The following MED13L variants were observed in gnomAD, a reference collection of about 807,000 sequenced individuals.
The protein encoded by MED13L is mediator of RNA polymerase II transcription subunit 13-like.
Under a neutral mutation model 220.9 loss-of-function variants are expected in MED13L, and 7 were observed. That is an observed-to-expected ratio of 0.03 (90% CI 0.02 to 0.06). The LOEUF (loss-of-function observed/expected upper bound fraction) is 0.06, where lower values mean the gene tolerates loss of function less well. Among genes scored for constraint, MED13L ranks in the 10% least tolerant of loss-of-function variants. The pLI, the probability that MED13L is intolerant of heterozygous loss-of-function variation, is 1.00. For synonymous variants in MED13L, 1,011 were observed against 1,015.2 expected (o/e 1.00, Z 0.08); for missense variants, 1,965 against 2,760.5 (o/e 0.71, Z 6.46).
intron 4 of MED13L, among the ~76,000 whole-genome samples, chr12:116,080,735 T>C (rs1172586394): frequency 6.6e-6 from 1 of 152,224 alleles, no homozygotes; most frequent in Non-Finnish European, 1.5e-5. Context: ...AGCCTGATTC[T>C]TTGGTTTGAG....
intron 2 of MED13L, among the ~76,000 whole-genome samples, chr12:116,161,375 T>C (rs1005340116): frequency 1.3e-4 from 20 of 151,810 alleles, no homozygotes; most frequent in South Asian, 4.1e-4. Context: ...AGTTTGGAAA[T>C]ATATATATAT....
At chr12:116,022,414 C>A in intron 5 of MED13L, 42 bp downstream of exon 5, 3 of 1,609,908 alleles carry the variant, frequency 1.9e-6, no homozygotes, top group Non-Finnish European at 2.5e-6. Flanking sequence ...GTTATCCACT[C>A]GGTGGCGGAT....
At chr12:116,023,199 G>A (rs1000086077) in intron 4 of MED13L, among the ~76,000 whole-genome samples, 4 of 152,146 alleles carry the variant, frequency 2.6e-5, no homozygotes, top group Non-Finnish European at 5.9e-5. Context: ...AGGAGGCTGA[G>A]GTGAGAGGAT....
At chr12:116,219,055 G>C (rs1883165619) in intron 2 of MED13L, among the ~76,000 whole-genome samples, 1 of 152,152 alleles carries the variant, frequency 6.6e-6, no homozygotes, top group East Asian at 1.9e-4. Flanking sequence ...ATTCTTACAA[G>C]TTAGAATGAA....
At chr12:116,031,759 A>AGAAAAGAAAAGAAAGAAGGAAG (rs1592967502) in intron 4 of MED13L, among the ~76,000 whole-genome samples, 9 of 40,986 alleles carry the variant, frequency 2.2e-4, no homozygotes, top group South Asian at 2.0e-3. Flanking sequence ...AGAAAAGAAA[A>AGAAAAGAAAAGAAAGAAGGAAG]GAAGGAAGGA....
intron 2 of MED13L, among the ~76,000 whole-genome samples, chr12:116,168,296 G>C (rs1163567552): frequency 6.7e-6 from 1 of 149,606 alleles, no homozygotes; most frequent in Admixed American, 6.7e-5. Flanking sequence ...TTAACTCCAC[G>C]AATAGTGTCT....
chr12:115,969,205 T>C (rs942979601), intron 27 of MED13L, 108 bp from the exon 28 acceptor site: 1 of 1,197,452 alleles, frequency 8.4e-7, no homozygotes, highest in Non-Finnish European at 1.2e-6. Context: ...CATATGGCTA[T>C]TATGGACACA....
rs570648728 is a variant in MED13L at position 116,003,326 on chromosome 12, C to T, written c.2470-224G>A. The stretch of plus-strand genomic sequence containing the variant: ...TCATGGATCTTGTGAGGGCAGATTG[C>T]GCCATCAAAGGAGAGCTTGCAGACC... On this transcript the variant is annotated intron_variant, in intron 13 of 30. Transcript: ENST00000281928. Among the ~76,000 whole-genome samples, 15 of 152,134 alleles carry T rather than the reference C, an allele frequency of 9.9e-5. No homozygotes were observed. The South Asian group carries it at 2.7e-3, about 27-fold the overall frequency.
intron 5 of MED13L, among the ~76,000 whole-genome samples, chr12:116,021,111 C>G (rs560408042): frequency 6.6e-6 from 1 of 152,212 alleles, no homozygotes; most frequent in South Asian, 2.1e-4. Flanking sequence ...TCCATAAGGA[C>G]AGCAACTGCC....
At chr12:116,121,967 G>A (rs1379913534) in intron 2 of MED13L, among the ~76,000 whole-genome samples, 1 of 152,144 alleles carries the variant, frequency 6.6e-6, no homozygotes, top group Non-Finnish European at 1.5e-5. Flanking sequence ...CAGGAAACAA[G>A]TACATTGTTT....
chr12:116,244,124 A>G (rs1870890148), intron 1 of MED13L, among the ~76,000 whole-genome samples: 1 of 152,208 alleles, frequency 6.6e-6, no homozygotes, highest in African/African-American at 2.4e-5. Context: ...TGATCATTTG[A>G]GGCTGACAAG....
At chr12:116,161,167 C>G (rs1430324009) in intron 2 of MED13L, among the ~76,000 whole-genome samples, 2 of 152,002 alleles carry the variant, frequency 1.3e-5, no homozygotes, top group Non-Finnish European at 2.9e-5. Context: ...GGGGCAGACC[C>G]GTCATGACCG....
intron 30 of MED13L, chr12:115,961,661 T>C: frequency 4.0e-6 from 2 of 502,958 alleles, no homozygotes; most frequent in Middle Eastern, 5.8e-4. Context: ...GCAGGTAAAG[T>C]AGGCACTGGA....
intron 4 of MED13L, among the ~76,000 whole-genome samples, chr12:116,030,536 A>G (rs369182265): frequency 1.3e-4 from 20 of 152,294 alleles, no homozygotes; most frequent in East Asian, 7.7e-4. Context: ...AAATAATAAC[A>G]AAAATATGTA....
At chr12:116,190,798 C>T (rs1372274329) in intron 2 of MED13L, among the ~76,000 whole-genome samples, 1 of 151,978 alleles carries the variant, frequency 6.6e-6, no homozygotes, top group East Asian at 1.9e-4. Flanking sequence ...TGTTGCTTAC[C>T]TTGAGGACTG....
intron 2 of MED13L, among the ~76,000 whole-genome samples, chr12:116,189,372 G>A (rs76966812): frequency 0.02 from 3,045 of 151,774 alleles, 57 homozygotes; most frequent in Middle Eastern, 0.051. Context: ...AATACTTTGC[G>A]TTGAGAAATC....
At chr12:116,080,199 T>G (rs1229883452) in intron 4 of MED13L, among the ~76,000 whole-genome samples, 2 of 152,194 alleles carry the variant, frequency 1.3e-5, no homozygotes, top group South Asian at 2.1e-4. Flanking sequence ...CAAGAACAAT[T>G]GGGCACAAGG....
At chr12:116,209,666 G>A (rs1882571291) in intron 2 of MED13L, among the ~76,000 whole-genome samples, 1 of 152,060 alleles carries the variant, frequency 6.6e-6, no homozygotes, top group Non-Finnish European at 1.5e-5. Flanking sequence ...CCTACCAAAT[G>A]CTGAGGGAGT....
chr12:115,992,473 A>G (rs888261820), intron 16 of MED13L, among the ~76,000 whole-genome samples: 3 of 152,172 alleles, frequency 2.0e-5, no homozygotes, highest in Non-Finnish European at 2.9e-5. Context: ...ATATCAAAGT[A>G]GTTATAATCA....
Sources: gnomAD v4.1 joint callset for allele counts (sites outside exome capture counted in the v4.1 genomes callset) on GRCh38, gnomAD v4.1.1 for gene constraint, MANE v1.5 for transcripts, NCBI Gene and HGNC (gene_info 2026-07-23, HGNC 2026-07-21) for gene names.